Variants in SMARCA2 observed in about 807,000 individuals in gnomAD.
SMARCA2 encodes SWI/SNF related BAF chromatin remodeling complex subunit ATPase 2, also known as SWI/SNF-related matrix-associated actin-dependent regulator of chromatin subfamily A member 2.
SMARCA2 carries 61 observed loss-of-function variants against 199.8 expected under a neutral mutation model. That is an observed-to-expected ratio of 0.31 (90% confidence interval 0.25 to 0.38). SMARCA2 has a LOEUF of 0.38. Ranked by LOEUF, SMARCA2 falls within the 10% of genes least tolerant of loss-of-function variation. The pLI, the probability that SMARCA2 is intolerant of heterozygous loss-of-function variation, is 1.00. For missense variants in SMARCA2, 1,344 were observed against 2,012.2 expected (o/e 0.67, Z 6.35); for synonymous variants, 935 against 732.0 (o/e 1.28, Z -4.48).
At chr9:2,061,589 A>T (rs1820593345) in intron 9 of SMARCA2, among the ~76,000 whole-genome samples, 1 of 152,218 alleles carries the variant, frequency 6.6e-6, no homozygotes, top group Admixed American at 6.5e-5. Context: ...CAGCTATTAT[A>T]TCTCAATTCA....
chr9:2,064,902 C>T (rs1453704735), intron 9 of SMARCA2, among the ~76,000 whole-genome samples: 1 of 152,210 alleles, frequency 6.6e-6, no homozygotes, highest in Non-Finnish European at 1.5e-5. Context: ...GTTTAGCCAT[C>T]AGCTGGGTGC....
Position 2,056,629 on chromosome 9 carries a change from G to C in SMARCA2, c.1174-43G>C, listed in dbSNP as rs1432871463. 6.3e-7 allele frequency: 1 copy of C among 1,578,800 alleles called. No homozygotes were observed. On this transcript the variant is annotated intron_variant, in intron 6 of 33. Coordinates refer to ENST00000349721, the MANE Select transcript of SMARCA2 (RefSeq NM_003070.5). This position sits in a 1 kb window ranked among gnomAD's most constrained non-coding sequence, Gnocchi z 4.0. ...GAGAAGGCCAGAGTTCAGGAACCTAGCTTCTGTTAGGGAAGGCTGTCTAAC... is the reference window on the plus strand; with the variant it reads ...GAGAAGGCCAGAGTTCAGGAACCTACCTTCTGTTAGGGAAGGCTGTCTAAC...
chr9:2,192,751 C>T lies in SMARCA2; in HGVS notation c.*12C>T. 9.4e-6 allele frequency: 15 copies of T among 1,599,468 alleles called. No individual in the cohort carries two copies. The highest frequency in any genetic ancestry group is 1.3e-5 in the Non-Finnish European group (15 of 1,166,860). On this transcript the variant is annotated 3_prime_UTR_variant, in exon 34 of 34. Coordinates refer to ENST00000349721, the MANE Select transcript of SMARCA2 (RefSeq NM_003070.5). ...CGGATGATGAGTGATCAGTATGGAC[C>T]TTTTTCCTTGGTAGAACTGAATTCC...
chr9:2,159,500 A>AT (rs1431231889), intron 27 of SMARCA2: 2 of 229,772 alleles, frequency 8.7e-6, no homozygotes, highest in Admixed American at 5.1e-5. Context: ...CCTTGTTTTA[A>AT]TTTTTTAAAA....
rs954647390 is a variant in SMARCA2 at position 2,096,673 on chromosome 9, A to G, written c.2900A>G (p.Lys967Arg). The G allele has an allele frequency of 6.2e-7, 1 of 1,612,774 alleles. No individual in the cohort carries two copies. Among genetic ancestry groups the G allele is most frequent in the Non-Finnish European group, 8.5e-7 (1 of 1,178,774 alleles). The change falls in exon 20 of 34, where the codon AAG (lysine) becomes AGG (arginine). Residue 967 changes from lysine (K) to arginine (R), a missense_variant. Lys to Arg is a conservative substitution (Grantham distance 26). Transcript: ENST00000349721. ...TTTCTGCAGGTGGAATATGTGATCA[A>G]GTGTGACATGTCAGCTCTGCAGAAG... The part of the protein sequence containing the change: ...QLPEKVEYVI[K>R]CDMSALQKIL...
chr9:2,053,301 G>T (rs1586652049), intron 5 of SMARCA2, among the ~76,000 whole-genome samples: 1 of 152,190 alleles, frequency 6.6e-6, no homozygotes, highest in Admixed American at 6.5e-5. Flanking sequence ...CAAAGGACAT[G>T]ATTTGGTTCT....
intron 22 of SMARCA2, among the ~76,000 whole-genome samples, chr9:2,102,609 A>G (rs1049565797): frequency 3.3e-5 from 5 of 152,214 alleles, no homozygotes; most frequent in African/African-American, 1.2e-4. Flanking sequence ...AAAGAAAAAA[A>G]TGGGTGAACT....
rs1396032901 is a variant in SMARCA2, at chr9:2,174,450, G to A, written c.4253+3978G>A. On this transcript the variant is annotated intron_variant, in intron 29 of 33. Transcript: ENST00000349721. The stretch of plus-strand genomic sequence containing the variant: ...TCTTCCTTGAGGATTTATTACAACA[G>A]CCATTGTAGGAAAAAGCAGCACTCC... Among the ~76,000 whole-genome samples the A allele has an allele frequency of 2.0e-5, 3 of 152,138 alleles. No individual in the cohort carries two copies. In the East Asian group the frequency reaches 5.8e-4, roughly 29 times the overall value.
chr9:2,083,328 T>C lies in SMARCA2; in HGVS notation c.2349-19T>C. The C allele has an allele frequency of 6.6e-7, 1 of 1,514,998 alleles. No homozygotes were observed. The highest frequency in any genetic ancestry group is 8.9e-7 in the Non-Finnish European group (1 of 1,120,842). 93.8% of individuals were successfully genotyped at this position (1,514,998 alleles called of 1,614,324 possible). A position where few individuals can be genotyped will look rare whatever the true frequency, so the allele number is the denominator to read the frequency against. On this transcript the variant is annotated intron_variant, in intron 15 of 33. Transcript: ENST00000349721. ...ATACAAATGTCTTTTTTCTGTTGTT[T>C]TTTTTTTTTGTTCCATAGGACTCTA...
intron 5 of SMARCA2, among the ~76,000 whole-genome samples, chr9:2,051,354 C>G (rs779321349): frequency 3.9e-5 from 6 of 152,120 alleles, no homozygotes; most frequent in Non-Finnish European, 8.8e-5. Flanking sequence ...TAACTGGGCT[C>G]CTTGGAGAAG....
Position 2,105,923 on chromosome 9 carries a change from C to G in SMARCA2, c.3292+1754C>G, listed in dbSNP as rs573453060. Reference sequence around the variant, plus strand: ...CTTTGGAATATTTGCATCTCTCAAACTGGTAAGAAGTGACTTCCTGGAAAC... The same window carrying G: ...CTTTGGAATATTTGCATCTCTCAAAGTGGTAAGAAGTGACTTCCTGGAAAC... On this transcript the variant is annotated intron_variant, in intron 23 of 33. Coordinates refer to ENST00000349721, the MANE Select transcript of SMARCA2 (RefSeq NM_003070.5). 1.6e-3 allele frequency among the ~76,000 whole-genome samples: 238 copies of G among 152,328 alleles called. 1 individual carries two copies. Among genetic ancestry groups the G allele is most frequent in the Admixed American group, 5.3e-3 (81 of 15,296 alleles).
chr9:2,077,005 G>A (rs1231609614), intron 13 of SMARCA2, among the ~76,000 whole-genome samples: 1 of 152,158 alleles, frequency 6.6e-6, no homozygotes, highest in Non-Finnish European at 1.5e-5. Flanking sequence ...TTTATTCCAT[G>A]GTTGTGTGCC....
chr9:2,032,855 C>A, intron 2 of SMARCA2, 97 bp from the exon 3 acceptor site: 2 of 1,128,840 alleles, frequency 1.8e-6, no homozygotes, highest in South Asian at 1.5e-5. Flanking sequence ...GATGATAGTG[C>A]CACACTTTTA....
intron 19 of SMARCA2, among the ~76,000 whole-genome samples, chr9:2,095,162 T>G (rs998846967): frequency 6.6e-6 from 1 of 151,880 alleles, no homozygotes; most frequent in Non-Finnish European, 1.5e-5. Flanking sequence ...CTCAGCTCAC[T>G]GCAACCTCCG....
chr9:2,191,239 T>C, intron 32 of SMARCA2, 27 bp from the exon 33 acceptor site: 1 of 1,610,588 alleles, frequency 6.2e-7, no homozygotes, highest in Non-Finnish European at 8.5e-7. Flanking sequence ...TACTCACTGG[T>C]GTCTATTTCA....
intron 29 of SMARCA2, among the ~76,000 whole-genome samples, chr9:2,178,019 GAA>G (rs35444665): frequency 7.0e-6 from 1 of 143,070 alleles, no homozygotes; most frequent in African/African-American, 2.5e-5. Context: ...AGGTAATGAG[GAA>G]AAAAAAAAAC....
At chr9:2,146,346 C>G (rs1824742275) in intron 27 of SMARCA2, among the ~76,000 whole-genome samples, 1 of 152,150 alleles carries the variant, frequency 6.6e-6, no homozygotes, top group Non-Finnish European at 1.5e-5. Flanking sequence ...TGGGAGGACA[C>G]AATCATTTAG....
intron 3 of SMARCA2, among the ~76,000 whole-genome samples, chr9:2,037,094 T>C (rs1454519182): frequency 1.3e-5 from 2 of 152,216 alleles, no homozygotes; most frequent in African/African-American, 2.4e-5. Flanking sequence ...TTTCCTCTTA[T>C]GGTAGACTCA....
In SMARCA2 at chr9:2,104,603, T is replaced by A. The variant is rs998466874; in HGVS notation, c.3292+434T>A. On this transcript the variant is annotated intron_variant, in intron 23 of 33. Coordinates refer to ENST00000349721, the MANE Select transcript of SMARCA2 (RefSeq NM_003070.5). The surrounding 1 kb of genome is among the most constrained non-coding windows in gnomAD (Gnocchi z 4.0). ...ATACAATCATTCATTTAAGATTATA[T>A]TTATCATTAAAGCCCCTCTCTTCCT... Among the ~76,000 whole-genome samples, 2 of 152,166 alleles carry A rather than the reference T, an allele frequency of 1.3e-5. No homozygotes were observed. Among genetic ancestry groups the A allele is most frequent in the African/African-American group, 4.8e-5 (2 of 41,444 alleles).
Sources: allele counts gnomAD v4.1 joint callset (sites outside exome capture counted in the v4.1 genomes callset), GRCh38; gene constraint gnomAD v4.1.1; non-coding constraint Gnocchi (gnomAD v3.1); transcripts MANE v1.5; gene names NCBI Gene and HGNC (gene_info 2026-07-23, HGNC 2026-07-21).